The following ADAM29 variants were observed in gnomAD, a reference collection of about 807,000 sequenced individuals.
ADAM29 encodes the protein ADAM metallopeptidase domain 29.
For missense variants in ADAM29, 969 were observed against 1,001.8 expected, an observed-to-expected ratio of 0.97 and a Z score of 0.44; for synonymous variants, 367 against 342.3, an observed-to-expected ratio of 1.07 and a Z score of -0.80.
At chr4:174,933,956 T>C (rs1440333374) in intron 3 of ADAM29, among the ~76,000 whole-genome samples, 2 of 152,200 alleles carry the variant, frequency 1.3e-5, no homozygotes, top group African/African-American at 4.8e-5. Context: ...TGTGTCTTTA[T>C]AGGAGAATGA....
chr4:174,966,849 A>C (rs1254466585), intron 4 of ADAM29, among the ~76,000 whole-genome samples: 1 of 152,214 alleles, frequency 6.6e-6, no homozygotes, highest in Non-Finnish European at 1.5e-5. Context: ...TTGTAGCAGA[A>C]TGGCAAAATA....
chr4:174,927,274 C>T (rs1220043927), intron 2 of ADAM29, among the ~76,000 whole-genome samples: 1 of 152,170 alleles, frequency 6.6e-6, no homozygotes, highest in Non-Finnish European at 1.5e-5. Context: ...TACGCAAAAA[C>T]CTGCATATCA....
rs1244739230 is a variant in ADAM29, at chr4:174,976,541, G to T, written c.1016G>T (p.Gly339Val). The T allele has an allele frequency of 6.2e-7, 1 of 1,604,906 alleles. No homozygotes were observed. Among genetic ancestry groups the T allele is most frequent in the Non-Finnish European group, 8.5e-7 (1 of 1,176,046 alleles). Residue 339 changes from glycine to valine, a missense_variant, in exon 5 of 5, where the codon GGC becomes GTC. Gly to Val is a moderately radical substitution (Grantham distance 109). Transcript: ENST00000359240. ...AVAHHLGHNL[G>V]MNHDEDTCRC... is the part of the protein sequence containing the mutation. ...GCTCATCATCTAGGTCATAATTTGG[G>T]CATGAACCATGATGAGGATACATGT...
rs559709579 is a variant in ADAM29 at position 174,948,663 on chromosome 4, G to A, written c.-181+11650G>A. ...TTGCTCACATGTGCCAGCAGCTGCA[G>A]CAGCATGGTGGGGTGCATGCATGTT... On this transcript the variant is annotated intron_variant, in intron 4 of 4. Coordinates refer to ENST00000359240, the MANE Select transcript of ADAM29 (RefSeq NM_014269.4). Among the ~76,000 whole-genome samples, 17 of 152,342 alleles carry A rather than the reference G, an allele frequency of 1.1e-4. 1 individual carries two copies. The South Asian group carries it at 3.5e-3, about 32-fold the overall frequency.
chr4:174,953,173 C>G (rs1451940710), intron 4 of ADAM29, among the ~76,000 whole-genome samples: 3 of 152,018 alleles, frequency 2.0e-5, no homozygotes, highest in African/African-American at 7.3e-5. Context: ...GTAGTCCCAG[C>G]TACTTGGGAG....
intron 2 of ADAM29, among the ~76,000 whole-genome samples, chr4:174,923,206 G>A (rs949578622): frequency 4.6e-5 from 7 of 151,680 alleles, no homozygotes; most frequent in African/African-American, 1.2e-4. Context: ...ACAGGTCTGC[G>A]CCACCACACC....
In ADAM29 at chr4:174,976,482, GAAC is replaced by G. The variant is rs769221791; in HGVS notation, c.960_962del (p.Asn320del). 1 of 1,611,584 alleles carries G rather than the reference GAAC, an allele frequency of 6.2e-7. No homozygotes were observed. The highest frequency in any genetic ancestry group is 8.5e-7 in the Non-Finnish European group (1 of 1,178,832). Reference sequence around the variant, plus strand: ...GTAGTTGTGCAATTGTTACTTTCATGAACAAAACTTTGGGCACTTTTTCAATTG... The same window carrying G: ...GTAGTTGTGCAATTGTTACTTTCATGAAAACTTTGGGCACTTTTTCAATTG... On this transcript the variant is annotated inframe_deletion, in exon 5 of 5. Transcript: ENST00000359240.
rs1232687956 is a variant in ADAM29, at chr4:174,975,854, C to G, written c.329C>G (p.Pro110Arg). The G allele has an allele frequency of 6.2e-7, 1 of 1,613,842 alleles. No individual in the cohort carries two copies. The highest frequency in any genetic ancestry group is 8.5e-7 in the Non-Finnish European group (1 of 1,179,972). Residue 110 changes from proline to arginine, a missense_variant, in exon 5 of 5, where the codon CCA becomes CGA. Physicochemically the swap from Pro to Arg is moderately radical, Grantham distance 103. Coordinates refer to ENST00000359240, the MANE Select transcript of ADAM29 (RefSeq NM_014269.4). ...CYYHGYVEGD[P>R]ESLVSLSTCF... ...TATCATGGTTATGTGGAAGGGGACC[C>G]AGAATCCCTGGTTTCCCTCAGTACC...
intron 4 of ADAM29, among the ~76,000 whole-genome samples, chr4:174,957,776 C>T (rs1745587328): frequency 6.6e-6 from 1 of 151,714 alleles, no homozygotes; most frequent in Admixed American, 6.6e-5. Context: ...ATCTATCTTT[C>T]TAAAAATATA....
intron 4 of ADAM29, among the ~76,000 whole-genome samples, chr4:174,968,059 AT>A: frequency 6.6e-6 from 1 of 152,056 alleles, no homozygotes. Flanking sequence ...TAAAACCATG[AT>A]TTTTCCTTCG....
Position 174,928,569 on chromosome 4 carries a change from T to TAAAAAAAAAA in ADAM29, c.-450-2414_-450-2405dup, listed in dbSNP as rs70947474. On this transcript the variant is annotated intron_variant, in intron 2 of 4. Transcript: ENST00000359240. ...CTCTACAAATTCCCTGTCATGTGCT[T>TAAAAAAAAAA]AAAAAAAAAAAAGACACCAGCCAGA... Among the ~76,000 whole-genome samples the TAAAAAAAAAA allele has an allele frequency of 9.8e-3, 1,290 of 131,722 alleles. 32 individuals carry two copies. Among genetic ancestry groups the TAAAAAAAAAA allele is most frequent in the East Asian group, 0.021 (94 of 4,430 alleles). 86.4% of individuals were successfully genotyped at this position (131,722 alleles called of 152,430 possible).
chr4:174,941,316 T>C (rs929034345), intron 4 of ADAM29, among the ~76,000 whole-genome samples: 8 of 152,236 alleles, frequency 5.3e-5, no homozygotes, highest in Admixed American at 5.2e-4. Context: ...ATTGTGGTGA[T>C]GTTGTCTAAT....
intron 4 of ADAM29, among the ~76,000 whole-genome samples, chr4:174,942,297 T>C (rs1372175036): frequency 6.6e-6 from 1 of 152,206 alleles, no homozygotes; most frequent in East Asian, 1.9e-4. Flanking sequence ...GTGGGAACTC[T>C]TTGTGGGGGC....
intron 4 of ADAM29, among the ~76,000 whole-genome samples, chr4:174,950,265 A>G (rs1181637278): frequency 6.6e-6 from 1 of 152,218 alleles, no homozygotes. Context: ...GCACCAGAAT[A>G]GAATGTTTCA....
In ADAM29 at chr4:174,931,119, C is replaced by T. The variant is rs1294913776; in HGVS notation, c.-317C>T. On this transcript the variant is annotated 5_prime_UTR_variant, in exon 3 of 5. Transcript: ENST00000359240. ...AGCAAGAAAACAAATTTGATTGAGC[C>T]CCCATCCAGTCCTCTTTGCGTGGAA... The T allele has an allele frequency of 1.3e-5, 2 of 152,146 alleles. No homozygotes were observed. Among genetic ancestry groups the T allele is most frequent in the Admixed American group, 6.6e-5 (1 of 15,266 alleles). 9.4% of individuals were successfully genotyped at this position (152,146 alleles called of 1,614,324 possible).
At chr4:174,956,640 T>C (rs1048291517) in intron 4 of ADAM29, among the ~76,000 whole-genome samples, 4 of 151,822 alleles carry the variant, frequency 2.6e-5, no homozygotes, top group African/African-American at 4.8e-5. Flanking sequence ...ATATTAGTAG[T>C]TTGGCAACAG....
At chr4:174,938,974 C>T (rs917386621) in intron 4 of ADAM29, among the ~76,000 whole-genome samples, 8 of 152,270 alleles carry the variant, frequency 5.3e-5, no homozygotes, top group Admixed American at 1.3e-4. Flanking sequence ...TGGGTCTCCA[C>T]GTGGCCTTCT....
rs1366833409 is a variant in ADAM29, at chr4:174,976,290, C to A, written c.765C>A (p.Asn255Lys). The stretch of plus-strand genomic sequence containing the variant: ...GTTTGGAGATCTGGACCAATAAAAA[C>A]CTCATTGTAGTAGATGATGTAAGGA... ...LFGLEIWTNK[N>K]LIVVDDVRKS... The change falls in exon 5 of 5, where the codon AAC becomes AAA. Residue 255 changes from asparagine (N) to lysine (K), a missense_variant. Asn to Lys is a moderately conservative substitution (Grantham distance 94). Transcript: ENST00000359240. The A allele has an allele frequency of 6.2e-7, 1 of 1,611,900 alleles. No homozygotes were observed. Among genetic ancestry groups the A allele is most frequent in the Admixed American group, 1.7e-5 (1 of 59,576 alleles).
chr4:174,925,366 C>A (rs1269744693), intron 2 of ADAM29, among the ~76,000 whole-genome samples: 2 of 117,480 alleles, frequency 1.7e-5, no homozygotes, highest in African/African-American at 5.8e-5. Context: ...GCTATCTTTG[C>A]ATTTTTTTTT....
Sources: gnomAD v4.1 joint callset for allele counts (sites outside exome capture counted in the v4.1 genomes callset) on GRCh38, gnomAD v4.1.1 for gene constraint, MANE v1.5 for transcripts, NCBI Gene and HGNC (gene_info 2026-07-23, HGNC 2026-07-21) for gene names.